Variants in ZNF429 observed in about 807,000 individuals in gnomAD.
ZNF429 encodes the protein zinc finger protein 429.
ZNF429 carries 53 observed loss-of-function variants against 56.8 expected under a neutral mutation model. That is an observed-to-expected ratio of 0.93 (90% CI 0.75 to 1.17). The LOEUF (loss-of-function observed/expected upper bound fraction) is 1.17, where lower values mean the gene tolerates loss of function less well. ZNF429 is among the 50% of genes most tolerant of loss of function. ZNF429 has a pLI of 0.00. For missense variants in ZNF429, 849 were observed against 788.4 expected, an observed-to-expected ratio of 1.08 and a Z score of -0.92; for synonymous variants, 278 against 264.7, an observed-to-expected ratio of 1.05 and a Z score of -0.49.
At chr19:21,531,462 C>T in intron 3 of ZNF429, among the ~76,000 whole-genome samples, 1 of 152,058 alleles carries the variant, frequency 6.6e-6, no homozygotes, top group Non-Finnish European at 1.5e-5. Flanking sequence ...GTTAATGCCT[C>T]TATTTTAATA....
chr19:21,511,083 A>G (rs1055303703), intron 1 of ZNF429, among the ~76,000 whole-genome samples: 1 of 152,174 alleles, frequency 6.6e-6, no homozygotes, highest in African/African-American at 2.4e-5. Flanking sequence ...CCCGTTCTCA[A>G]TGAGCTGTTG....
Position 21,536,571 on chromosome 19 carries a change from T to G in ZNF429, c.518T>G (p.Phe173Cys). 6.2e-7 allele frequency: 1 copy of G among 1,613,696 alleles called. No individual in the cohort carries two copies. The highest frequency in any genetic ancestry group is 8.5e-7 in the Non-Finnish European group (1 of 1,179,852). The change falls in exon 4 of 4, where the codon TTC becomes TGC. Residue 173 changes from phenylalanine to cysteine, a missense_variant. By Grantham distance (205) the Phe-to-Cys change is radical. Coordinates refer to ENST00000358491, the MANE Select transcript of ZNF429 (RefSeq NM_001001415.4). ...ACAAGACATACTGGAAAGAAACCTTTCCAGTGTAAAAAATGTGGCAAATCA... is the reference window on the plus strand; with the variant it reads ...ACAAGACATACTGGAAAGAAACCTTGCCAGTGTAAAAAATGTGGCAAATCA... Reference protein sequence around the residue: ...YKTRHTGKKPFQCKKCGKSFC... With the variant: ...YKTRHTGKKPCQCKKCGKSFC...
intron 1 of ZNF429, among the ~76,000 whole-genome samples, chr19:21,516,557 T>C (rs1311291969): frequency 6.6e-6 from 1 of 152,212 alleles, no homozygotes; most frequent in African/African-American, 2.4e-5. Flanking sequence ...ATGATACTGA[T>C]TTTTTTCTGT....
chr19:21,516,843 C>CT (rs2032765087), intron 1 of ZNF429, among the ~76,000 whole-genome samples: 1 of 152,122 alleles, frequency 6.6e-6, no homozygotes, highest in Non-Finnish European at 1.5e-5. Flanking sequence ...AGCTTTTGCA[C>CT]CAAGACTATA....
chr19:21,516,959 G>A (rs2145432984), intron 1 of ZNF429, among the ~76,000 whole-genome samples: 1 of 152,258 alleles, frequency 6.6e-6, no homozygotes, highest in East Asian at 1.9e-4. Context: ...GATTGCTCTA[G>A]CCAGGACTTC....
chr19:21,514,829 C>T (rs1486007429), intron 1 of ZNF429, among the ~76,000 whole-genome samples: 1 of 152,050 alleles, frequency 6.6e-6, no homozygotes, highest in Non-Finnish European at 1.5e-5. Flanking sequence ...GAACTCCTGA[C>T]CTCAAGTGAT....
Position 21,540,134 on chromosome 19 carries a change from A to G in ZNF429, c.*2056A>G, listed in dbSNP as rs888201341. 6.6e-6 allele frequency among the ~76,000 whole-genome samples: 1 copy of G among 152,182 alleles called. No individual in the cohort carries two copies. The highest frequency in any genetic ancestry group is 1.5e-5 in the Non-Finnish European group (1 of 68,018). The stretch of plus-strand genomic sequence containing the variant: ...GTTATAAAATGCAGTATATTTCAAA[A>G]TTTTTAAATTATATGTAAATTTGAT... On this transcript the variant is annotated 3_prime_UTR_variant, in exon 4 of 4. Transcript: ENST00000358491.
chr19:21,535,421 T>TTTCTTTCTTTCTTTCTTTCTTTCC, intron 3 of ZNF429, among the ~76,000 whole-genome samples: 1 of 3,602 alleles, frequency 2.8e-4, no homozygotes, highest in East Asian at 4.8e-3. Context: ...CTTTTCTTTC[T>TTTCTTTCTTTCTTTCTTTCTTTCC]TTCTTTCTTT....
Position 21,531,116 on chromosome 19 carries a change from A to AACAAAAC in ZNF429, c.226+433_226+434insCAAAACA. 1.1e-3 allele frequency among the ~76,000 whole-genome samples: 98 copies of AACAAAAC among 86,196 alleles called. 3 individuals are homozygous for AACAAAAC. Among genetic ancestry groups the AACAAAAC allele is most frequent in the African/African-American group, 4.9e-3 (92 of 18,822 alleles). The allele number at this position is 86,196 out of a possible 152,430, so 56.5% of individuals were successfully genotyped here. A position where few individuals can be genotyped will look rare whatever the true frequency, so the allele number is the denominator to read the frequency against. On this transcript the variant is annotated intron_variant, in intron 3 of 3. Coordinates refer to ENST00000358491, the MANE Select transcript of ZNF429 (RefSeq NM_001001415.4). ...AGTGAAACTCCATCTCAAAAAAAAA[A>AACAAAAC]AAAAAAAAAAAAACCAAAAAAAAAA...
At chr19:21,532,470 T>C in intron 3 of ZNF429, among the ~76,000 whole-genome samples, 4 of 152,070 alleles carry the variant, frequency 2.6e-5, no homozygotes, top group Non-Finnish European at 5.9e-5. Flanking sequence ...ATTTTAGACA[T>C]AATACAAAAA....
intron 1 of ZNF429, among the ~76,000 whole-genome samples, chr19:21,528,462 T>G (rs1263149656): frequency 6.6e-6 from 1 of 151,826 alleles, no homozygotes; most frequent in Non-Finnish European, 1.5e-5. Flanking sequence ...CTTAACACTT[T>G]GGGAGGCCGT....
At chr19:21,529,908 A>T in intron 2 of ZNF429, 124 bp downstream of exon 2, 2 of 711,982 alleles carry the variant, frequency 2.8e-6, no homozygotes, top group South Asian at 2.4e-5. Flanking sequence ...CTTTTAAGAA[A>T]AGTTTGGGGC....
In ZNF429 at chr19:21,538,144, T is replaced by TG; in HGVS notation, c.*68dup. ...AAAAAAAAAAATTAGCCAGGCGTGG[T>TG]GGTGGGCACTTGTAGTCCCACCTAC... On this transcript the variant is annotated 3_prime_UTR_variant, in exon 4 of 4. Coordinates refer to ENST00000358491, the MANE Select transcript of ZNF429 (RefSeq NM_001001415.4). 2.8e-6 allele frequency: 2 copies of TG among 705,772 alleles called. No individual in the cohort carries two copies. The highest frequency in any genetic ancestry group is 2.2e-6 in the Non-Finnish European group (1 of 452,160). 43.7% of individuals were successfully genotyped at this position (705,772 alleles called of 1,614,324 possible).
rs1272258615 is a variant in ZNF429, at chr19:21,537,077, A to G, written c.1024A>G (p.Lys342Glu). The change falls in exon 4 of 4, where the codon AAA (lysine) becomes GAA (glutamate). Residue 342 changes from lysine to glutamate, a missense_variant. Physicochemically the swap from Lys to Glu is moderately conservative, Grantham distance 56. Transcript: ENST00000358491. ...KRIHTGEKPYKCEECGKAFNW... is the reference protein window; with the variant it reads ...KRIHTGEKPYECEECGKAFNW... ...AATACATACTGGTGAGAAACCCTAC[A>G]AATGTGAAGAATGTGGCAAAGCCTT... 4.3e-6 allele frequency: 7 copies of G among 1,613,894 alleles called. No individual in the cohort carries two copies. The highest frequency in any genetic ancestry group is 4.2e-6 in the Non-Finnish European group (5 of 1,179,930).
At chr19:21,531,134 A>AAC in intron 3 of ZNF429, among the ~76,000 whole-genome samples, 1 of 127,284 alleles carries the variant, frequency 7.9e-6, no homozygotes, top group Admixed American at 8.0e-5. Context: ...AAAAAACCAA[A>AAC]AAAAAAAAAA....
At chr19:21,535,423 T>C in intron 3 of ZNF429, among the ~76,000 whole-genome samples, 1 of 5,246 alleles carries the variant, frequency 1.9e-4, no homozygotes, top group Non-Finnish European at 3.8e-4. Context: ...TTTCTTTCTT[T>C]CTTTCTTTCT....
chr19:21,527,257 A>G (rs539755782), intron 1 of ZNF429, among the ~76,000 whole-genome samples: 4 of 152,302 alleles, frequency 2.6e-5, no homozygotes, highest in African/African-American at 9.6e-5. Flanking sequence ...AATGGGGTCA[A>G]AATTACCAAG....
intron 1 of ZNF429, chr19:21,529,203 CTT>C (rs2033279739): frequency 6.6e-6 from 1 of 152,498 alleles, no homozygotes; most frequent in African/African-American, 2.4e-5. Flanking sequence ...GCAACTCAGA[CTT>C]TATTCCAGAT....
chr19:21,518,179 C>T (rs1018399804), intron 1 of ZNF429, among the ~76,000 whole-genome samples: 1 of 152,214 alleles, frequency 6.6e-6, no homozygotes, highest in Non-Finnish European at 1.5e-5. Flanking sequence ...ATTTCTTGAT[C>T]TTTTGTATGA....
Sources: allele counts gnomAD v4.1 joint callset (sites outside exome capture counted in the v4.1 genomes callset), GRCh38; gene constraint gnomAD v4.1.1; transcripts MANE v1.5; gene names NCBI Gene and HGNC (gene_info 2026-07-23, HGNC 2026-07-21).